Variants in DTL observed in about 807,000 individuals in gnomAD.
DTL encodes denticleless protein homolog.
Under a neutral mutation model 87.0 loss-of-function variants are expected in DTL, and 46 were observed. The ratio of observed to expected loss-of-function variants is 0.53; its 90% CI spans 0.42 to 0.68. The LOEUF is 0.68. Among genes scored for constraint, DTL ranks in the 30% least tolerant of loss-of-function variants. The pLI, the probability that DTL is intolerant of heterozygous loss-of-function variation, is 0.00. For missense variants in DTL, 737 were observed against 869.4 expected, an observed-to-expected ratio of 0.85 and a Z score of 1.91; for synonymous variants, 308 against 311.2, an observed-to-expected ratio of 0.99 and a Z score of 0.11.
At chr1:212,082,072 C>T (rs1028862980) in intron 13 of DTL, among the ~76,000 whole-genome samples, 1 of 152,128 alleles carries the variant, frequency 6.6e-6, no homozygotes, top group East Asian at 1.9e-4. Flanking sequence ...TTAAAGCCTA[C>T]TGAGCAGCCA....
chr1:212,092,712 A>G (rs905873705), intron 13 of DTL, among the ~76,000 whole-genome samples: 2 of 152,190 alleles, frequency 1.3e-5, no homozygotes, highest in Non-Finnish European at 2.9e-5. Context: ...GTTGCAAATT[A>G]TGTTGCTATA....
chr1:212,075,316 G>A (rs567723443), intron 11 of DTL, among the ~76,000 whole-genome samples: 1 of 152,114 alleles, frequency 6.6e-6, no homozygotes, highest in African/African-American at 2.4e-5. Flanking sequence ...CTTGTGCCTT[G>A]AATTAAAGTC....
At chr1:212,045,045 C>G (rs937210643) in intron 3 of DTL, among the ~76,000 whole-genome samples, 4 of 152,146 alleles carry the variant, frequency 2.6e-5, no homozygotes, top group African/African-American at 7.2e-5. Context: ...CTACCAAGCT[C>G]TTTTTTAACA....
At position 212,103,497 on chromosome 1, in the gene DTL, A is replaced by G. The variant is rs1018791799; in HGVS notation, c.*557A>G. 2.6e-5 allele frequency: 4 copies of G among 152,212 alleles called. No homozygotes were observed. Among genetic ancestry groups the G allele is most frequent in the African/African-American group, 9.6e-5 (4 of 41,464 alleles). The allele number at this position is 152,212 out of a possible 1,614,324, so 9.4% of individuals were successfully genotyped here. On this transcript the variant is annotated 3_prime_UTR_variant, in exon 15 of 15. Coordinates refer to ENST00000366991, the MANE Select transcript of DTL (RefSeq NM_016448.4). Reference sequence around the variant, plus strand: ...ATGTGATGCTCAGATAAGTACATTTATATCAGTTCAGTGTTAAAATGCAGT... The same window carrying G: ...ATGTGATGCTCAGATAAGTACATTTGTATCAGTTCAGTGTTAAAATGCAGT...
At chr1:212,058,702 C>T (rs1230956977) in intron 5 of DTL, among the ~76,000 whole-genome samples, 1 of 151,542 alleles carries the variant, frequency 6.6e-6, no homozygotes, top group African/African-American at 2.4e-5. Flanking sequence ...CAGAGCCTAA[C>T]TAAATAGAGA....
Position 212,095,855 on chromosome 1 carries a change from C to T in DTL, c.1262-4397C>T, listed in dbSNP as rs578186608. 1.1e-3 allele frequency among the ~76,000 whole-genome samples: 171 copies of T among 152,036 alleles called. 10 individuals carry two copies. Among genetic ancestry groups the T allele is most frequent in the Non-Finnish European group, 6.6e-4 (45 of 68,004 alleles). On this transcript the variant is annotated intron_variant, in intron 13 of 14. Coordinates refer to ENST00000366991, the MANE Select transcript of DTL (RefSeq NM_016448.4). ...GTTTTCTTTTTTGTCATGTCCTTTC[C>T]TGGTTTTGGTATTAGAGTGATACTG...
At chr1:212,088,522 C>T (rs1030433939) in intron 13 of DTL, among the ~76,000 whole-genome samples, 1 of 152,184 alleles carries the variant, frequency 6.6e-6, no homozygotes, top group Non-Finnish European at 1.5e-5. Flanking sequence ...CCTACTTCCC[C>T]TGTGAGAGGA....
intron 11 of DTL, among the ~76,000 whole-genome samples, chr1:212,072,819 A>G (rs931556466): frequency 2.7e-5 from 4 of 145,852 alleles, no homozygotes; most frequent in Non-Finnish European, 5.9e-5. Context: ...GCTGGAGTGC[A>G]GTGGCACGAT....
At chr1:212,052,948 T>C (rs754560806) in intron 5 of DTL, among the ~76,000 whole-genome samples, 56 of 152,158 alleles carry the variant, frequency 3.7e-4, no homozygotes, top group Non-Finnish European at 6.9e-4. Context: ...TTTTCATCAG[T>C]CCAAAAAGAA....
chr1:212,094,878 T>C (rs566443356), intron 13 of DTL, among the ~76,000 whole-genome samples: 4 of 152,300 alleles, frequency 2.6e-5, no homozygotes, highest in Non-Finnish European at 5.9e-5. Context: ...AGTTGTTGAT[T>C]TGATTTGCAG....
chr1:212,096,755 T>G (rs183026108), intron 13 of DTL, among the ~76,000 whole-genome samples: 1 of 152,336 alleles, frequency 6.6e-6, no homozygotes, highest in East Asian at 1.9e-4. Flanking sequence ...AATTTTGATT[T>G]TCTTAAATTT....
chr1:212,038,085 T>A (rs932088520), intron 1 of DTL, among the ~76,000 whole-genome samples: 1 of 152,162 alleles, frequency 6.6e-6, no homozygotes, highest in Non-Finnish European at 1.5e-5. Flanking sequence ...TCACACACAC[T>A]CATTGTCTAC....
intron 5 of DTL, among the ~76,000 whole-genome samples, chr1:212,056,706 A>G (rs930227492): frequency 6.6e-6 from 1 of 152,190 alleles, no homozygotes; most frequent in African/African-American, 2.4e-5. Context: ...AAGGAAGCTC[A>G]GTGAGAGAAA....
chr1:212,075,948 T>G (rs1037826339), intron 11 of DTL, among the ~76,000 whole-genome samples: 1 of 152,196 alleles, frequency 6.6e-6, no homozygotes, highest in East Asian at 1.9e-4. Context: ...AGACATTTCA[T>G]ATAAATGGAA....
intron 5 of DTL, among the ~76,000 whole-genome samples, chr1:212,061,778 C>G (rs1215453765): frequency 1.3e-5 from 2 of 152,102 alleles, no homozygotes; most frequent in African/African-American, 4.8e-5. Flanking sequence ...TTCACATGTT[C>G]CCATTTATAT....
intron 5 of DTL, among the ~76,000 whole-genome samples, chr1:212,059,779 CAAAA>C (rs58890148): frequency 2.5e-5 from 2 of 80,224 alleles, no homozygotes; most frequent in Non-Finnish European, 4.9e-5. Flanking sequence ...AAAGACTCTA[CAAAA>C]AAAAAAAAAA....
rs373592261 is a variant in DTL at position 212,062,995 on chromosome 1, T to G, written c.526+46T>G. 2.6e-5 allele frequency: 38 copies of G among 1,440,998 alleles called. No individual in the cohort carries two copies. The African/African-American group carries it at 4.5e-4, about 17-fold the overall frequency. 89.3% of individuals were successfully genotyped at this position (1,440,998 alleles called of 1,614,324 possible). ...TTTTGAGAGATTTGGGATTACCCTG[T>G]ACTTAATTTTGAGTGAAAGAGTTAG... On this transcript the variant is annotated intron_variant, in intron 6 of 14. Coordinates refer to ENST00000366991, the MANE Select transcript of DTL (RefSeq NM_016448.4).
intron 13 of DTL, among the ~76,000 whole-genome samples, chr1:212,096,285 G>A (rs916282833): frequency 1.2e-4 from 18 of 152,114 alleles, no homozygotes; most frequent in Middle Eastern, 3.4e-3. Flanking sequence ...TCTCACTAAT[G>A]GGCTATCAAT....
At position 212,074,991 on chromosome 1, in the gene DTL, TCTTTTCTCTGGTTTGTTTCTGATATAG is replaced by T. The variant is rs1438228381; in HGVS notation, c.1035+2780_1035+2806del. ...CTATTGTCTCACCCCCACCCCATCC[TCTTTTCTCTGGTTTGTTTCTGATATAG>T]CCACTGAATAGCATCGAAGTGGTTA... On this transcript the variant is annotated intron_variant, in intron 11 of 14. Coordinates refer to ENST00000366991, the MANE Select transcript of DTL (RefSeq NM_016448.4). Among the ~76,000 whole-genome samples, 6 of 152,302 alleles carry T rather than the reference TCTTTTCTCTGGTTTGTTTCTGATATAG, an allele frequency of 3.9e-5. No individual in the cohort carries two copies. In the East Asian group the frequency reaches 1.2e-3, roughly 29 times the overall value.
Sources: gnomAD v4.1 joint callset for allele counts (sites outside exome capture counted in the v4.1 genomes callset) on GRCh38, gnomAD v4.1.1 for gene constraint, MANE v1.5 for transcripts, NCBI Gene and HGNC (gene_info 2026-07-23, HGNC 2026-07-21) for gene names.